The following NR6A1 variants were observed in gnomAD, a reference collection of about 807,000 sequenced individuals.
NR6A1 encodes the protein retinoic acid receptor-related testis-associated receptor.
In NR6A1, 7 loss-of-function variants were observed where a neutral mutation model predicts 59.1. The ratio of observed to expected loss-of-function variants is 0.12; its 90% CI spans 0.07 to 0.22. The LOEUF (loss-of-function observed/expected upper bound fraction) is 0.22. Ranked by LOEUF, NR6A1 falls within the 10% of genes least tolerant of loss-of-function variation. The pLI, the probability that NR6A1 is intolerant of heterozygous loss-of-function variation, is 1.00. For synonymous variants in NR6A1, 243 were observed against 236.1 expected, an observed-to-expected ratio of 1.03 and a Z score of -0.27; for missense variants, 468 against 611.6, an observed-to-expected ratio of 0.77 and a Z score of 2.48.
chr9:124,757,906 G>A (rs1369721109), intron 1 of NR6A1, among the ~76,000 whole-genome samples: 1 of 152,142 alleles, frequency 6.6e-6, no homozygotes, highest in Non-Finnish European at 1.5e-5. Flanking sequence ...CACACACTTC[G>A]GCTTGCTCAG....
intron 8 of NR6A1, among the ~76,000 whole-genome samples, chr9:124,526,280 ATGTGTGTATGTG>A (rs971344716): frequency 1.8e-4 from 26 of 144,826 alleles, no homozygotes; most frequent in Non-Finnish European, 2.5e-4. Flanking sequence ...GATTGTGTGT[ATGTGTGTATGTG>A]TGTGTGTGTG....
At chr9:124,577,749 T>C (rs925124132) in intron 2 of NR6A1, among the ~76,000 whole-genome samples, 3 of 152,216 alleles carry the variant, frequency 2.0e-5, no homozygotes, top group South Asian at 2.1e-4. Flanking sequence ...TTCTCGTAAA[T>C]TGATGGCTCA....
chr9:124,642,251 T>C (rs1836787734), intron 2 of NR6A1, among the ~76,000 whole-genome samples: 1 of 152,180 alleles, frequency 6.6e-6, no homozygotes, highest in African/African-American at 2.4e-5. Context: ...GGTTTTGCCA[T>C]GTTGGCCAGG....
intron 2 of NR6A1, among the ~76,000 whole-genome samples, chr9:124,726,272 C>T (rs1839715270): frequency 6.6e-6 from 1 of 152,184 alleles, no homozygotes; most frequent in Non-Finnish European, 1.5e-5. Context: ...CCCTAAAATC[C>T]TTTGAAAAAG....
intron 2 of NR6A1, among the ~76,000 whole-genome samples, chr9:124,657,230 A>C (rs1297506747): frequency 6.6e-6 from 1 of 152,186 alleles, no homozygotes; most frequent in East Asian, 1.9e-4. Flanking sequence ...GGTAGTCCTC[A>C]TATGGAAGGT....
intron 6 of NR6A1, 115 bp from the exon 7 acceptor site, chr9:124,536,247 C>T: frequency 8.5e-7 from 1 of 1,170,590 alleles, no homozygotes. Flanking sequence ...GCTCCTTGCT[C>T]CATGCCCACG....
At chr9:124,591,986 C>T (rs1248130725) in intron 2 of NR6A1, among the ~76,000 whole-genome samples, 4 of 152,116 alleles carry the variant, frequency 2.6e-5, no homozygotes, top group Non-Finnish European at 5.9e-5. Flanking sequence ...GATTAATTTC[C>T]TCGGCTTAAA....
intron 2 of NR6A1, among the ~76,000 whole-genome samples, chr9:124,610,932 A>G (rs1835723334): frequency 6.6e-6 from 1 of 152,134 alleles, no homozygotes; most frequent in South Asian, 2.1e-4. Context: ...CACCAAGCTG[A>G]GCGGAGAGGT....
chr9:124,630,374 G>T (rs955111839), intron 2 of NR6A1, among the ~76,000 whole-genome samples: 7 of 151,200 alleles, frequency 4.6e-5, no homozygotes, highest in African/African-American at 1.7e-4. Context: ...AGTAGCAGGC[G>T]CATGACACCA....
At chr9:124,656,969 G>A (rs1332039699) in intron 2 of NR6A1, among the ~76,000 whole-genome samples, 1 of 152,144 alleles carries the variant, frequency 6.6e-6, no homozygotes, top group East Asian at 1.9e-4. Context: ...AGAGTTCTGT[G>A]GTGGATGGAT....
At chr9:124,641,255 A>T (rs1836759529) in intron 2 of NR6A1, among the ~76,000 whole-genome samples, 1 of 151,572 alleles carries the variant, frequency 6.6e-6, no homozygotes, top group African/African-American at 2.4e-5. Context: ...GCTACTTGGG[A>T]GGATGAGGCA....
intron 2 of NR6A1, among the ~76,000 whole-genome samples, chr9:124,683,514 C>T (rs1461854617): frequency 1.3e-5 from 2 of 152,186 alleles, no homozygotes; most frequent in African/African-American, 4.8e-5. Context: ...ACAATTGCTG[C>T]CGGGTGTGGT....
In NR6A1 at chr9:124,547,352, T is replaced by TA. The variant is rs1833629234; in HGVS notation, c.386-3496dup. Among the ~76,000 whole-genome samples the TA allele has an allele frequency of 1.3e-5, 2 of 152,186 alleles. 1 individual carries two copies. Among genetic ancestry groups the TA allele is most frequent in the South Asian group, 4.1e-4 (2 of 4,820 alleles). Reference sequence around the variant, plus strand: ...GTTCATGGGCCAAATCTAAGCTCCTTAGCATGGCATTCAAGACCATCTATC... The same window carrying TA: ...GTTCATGGGCCAAATCTAAGCTCCTTAAGCATGGCATTCAAGACCATCTATC... On this transcript the variant is annotated intron_variant, in intron 3 of 9. Transcript: ENST00000487099.
At chr9:124,562,257 T>C (rs1172883137) in intron 2 of NR6A1, among the ~76,000 whole-genome samples, 1 of 152,208 alleles carries the variant, frequency 6.6e-6, no homozygotes, top group East Asian at 1.9e-4. Context: ...CAGGCTATGT[T>C]TTACCCCTTT....
chr9:124,705,312 A>G (rs746751315), intron 2 of NR6A1, among the ~76,000 whole-genome samples: 5 of 152,162 alleles, frequency 3.3e-5, no homozygotes, highest in Non-Finnish European at 5.9e-5. Context: ...TACAATTACT[A>G]TTGTTTAATA....
chr9:124,526,667 G>A, intron 8 of NR6A1, 112 bp downstream of exon 8: 1 of 1,475,426 alleles, frequency 6.8e-7, no homozygotes. Flanking sequence ...CAGATGGTGT[G>A]ATGGATTCTG....
chr9:124,529,514 G>A (rs930676361), intron 7 of NR6A1, among the ~76,000 whole-genome samples: 2 of 152,302 alleles, frequency 1.3e-5, no homozygotes, highest in East Asian at 1.9e-4. Flanking sequence ...AAGGTTGCAC[G>A]GGAAGTAAAT....
At chr9:124,696,520 CTTTT>C (rs10625540) in intron 2 of NR6A1, among the ~76,000 whole-genome samples, 22 of 104,998 alleles carry the variant, frequency 2.1e-4, no homozygotes, top group African/African-American at 7.4e-4. Flanking sequence ...TGTTCTCTAG[CTTTT>C]TTTTTTTTTT....
At chr9:124,623,597 G>C (rs1836144813) in intron 2 of NR6A1, among the ~76,000 whole-genome samples, 1 of 150,750 alleles carries the variant, frequency 6.6e-6, no homozygotes. Context: ...CTCGTGTGAT[G>C]CTCCTACCTA....
Sources: allele counts gnomAD v4.1 joint callset (sites outside exome capture counted in the v4.1 genomes callset), GRCh38; gene constraint gnomAD v4.1.1; transcripts MANE v1.5; gene names NCBI Gene and HGNC (gene_info 2026-07-23, HGNC 2026-07-21).